Variants in NFKB1 observed in about 807,000 individuals in gnomAD.
NFKB1 encodes nuclear factor kappa B subunit 1, also known as nuclear factor NF-kappa-B p105 subunit.
Under a neutral mutation model 105.1 loss-of-function variants are expected in NFKB1, and 9 were observed. That is an observed-to-expected ratio of 0.09 (90% CI 0.05 to 0.15). NFKB1 has a LOEUF of 0.15. Among genes scored for constraint, NFKB1 ranks in the 10% least tolerant of loss-of-function variants. The pLI is 1.00. For synonymous variants in NFKB1, 440 were observed against 442.2 expected (o/e 1.00, Z 0.06); for missense variants, 830 against 1,203.7 (o/e 0.69, Z 4.59).
chr4:102,505,048 G>A (rs139634555), intron 1 of NFKB1, among the ~76,000 whole-genome samples: 106 of 152,298 alleles, frequency 7.0e-4, no homozygotes, highest in African/African-American at 2.5e-3. Flanking sequence ...TTTTAATGAT[G>A]ATGAAATTGC....
In NFKB1 at chr4:102,515,104, A is replaced by ATT. The variant is rs761237095; in HGVS notation, c.-7-10407_-7-10406dup. ...AGTTCCATGTAATATTATTATTATTATTATTTTTTTTTTTTTTTTTTTTTG... is the reference window on the plus strand; with the variant it reads ...AGTTCCATGTAATATTATTATTATTATTTTATTTTTTTTTTTTTTTTTTTTTG... On this transcript the variant is annotated intron_variant, in intron 1 of 23. Transcript: ENST00000226574. Among the ~76,000 whole-genome samples, 886 of 113,190 alleles carry ATT rather than the reference A, an allele frequency of 7.8e-3. 43 individuals are homozygous for ATT. Among genetic ancestry groups the ATT allele is most frequent in the Middle Eastern group, 0.015 (3 of 204 alleles). 74.3% of individuals were successfully genotyped at this position (113,190 alleles called of 152,430 possible).
At chr4:102,502,390 GCACACACACACACACACACA>G (rs754187388) in intron 1 of NFKB1, among the ~76,000 whole-genome samples, 3 of 105,392 alleles carry the variant, frequency 2.8e-5, no homozygotes, top group African/African-American at 8.3e-5. Context: ...GCGCGCGCGC[GCACACACACACACACACACA>G]CACACACACA....
intron 12 of NFKB1, among the ~76,000 whole-genome samples, 174 bp from the exon 13 acceptor site, chr4:102,594,718 G>A (rs547325301): frequency 6.6e-6 from 1 of 152,262 alleles, no homozygotes; most frequent in African/African-American, 2.4e-5. Context: ...GTGGAATTCT[G>A]ATAGTCCCAT....
chr4:102,561,754 A>G (rs1231168652), intron 5 of NFKB1, among the ~76,000 whole-genome samples: 1 of 152,144 alleles, frequency 6.6e-6, no homozygotes, highest in African/African-American at 2.4e-5. Flanking sequence ...TGTTGTGGGG[A>G]TTATCTGAGT....
intron 16 of NFKB1, among the ~76,000 whole-genome samples, chr4:102,603,954 C>T (rs1469210275): frequency 6.6e-6 from 1 of 152,108 alleles, no homozygotes; most frequent in Non-Finnish European, 1.5e-5. Flanking sequence ...ACCACTCTAT[C>T]GTGTTTGGTA....
At chr4:102,551,365 T>TATGCGC (rs1553931285) in intron 5 of NFKB1, among the ~76,000 whole-genome samples, 3 of 127,542 alleles carry the variant, frequency 2.4e-5, no homozygotes, top group African/African-American at 3.7e-5. Context: ...TGTGTGTGTG[T>TATGCGC]GTGCGCGCGC....
chr4:102,503,286 G>A (rs1403122018), intron 1 of NFKB1: 1 of 151,864 alleles, frequency 6.6e-6, no homozygotes, highest in Non-Finnish European at 1.5e-5. Flanking sequence ...TGGAATCTGA[G>A]ATTATTCATC....
At chr4:102,542,563 A>G (rs1192294432) in intron 5 of NFKB1, among the ~76,000 whole-genome samples, 1 of 152,084 alleles carries the variant, frequency 6.6e-6, no homozygotes, top group Admixed American at 6.6e-5. Flanking sequence ...AACCCCACTT[A>G]TCCATCACTT....
At chr4:102,548,750 T>C (rs1440096611) in intron 5 of NFKB1, among the ~76,000 whole-genome samples, 1 of 152,146 alleles carries the variant, frequency 6.6e-6, no homozygotes, top group African/African-American at 2.4e-5. Context: ...AGTTTGTGAC[T>C]TGCAGCTGCA....
intron 19 of NFKB1, among the ~76,000 whole-genome samples, chr4:102,609,478 G>A (rs1728183445): frequency 6.6e-6 from 1 of 151,896 alleles, no homozygotes; most frequent in South Asian, 2.1e-4. Flanking sequence ...TGGGCGTGGT[G>A]GCATGCATCT....
At chr4:102,515,580 T>C (rs79590323) in intron 1 of NFKB1, among the ~76,000 whole-genome samples, 6,848 of 152,306 alleles carry the variant, frequency 0.045, 232 homozygotes, top group South Asian at 0.099. Context: ...GGTTACTTTC[T>C]AAAGTGGTTA....
intron 11 of NFKB1, among the ~76,000 whole-genome samples, chr4:102,591,172 TGAA>T (rs960016883): frequency 3.9e-5 from 6 of 152,182 alleles, no homozygotes; most frequent in African/African-American, 1.4e-4. Context: ...AGAAAATTGA[TGAA>T]GGTGGCCACA....
rs766618960 is a variant in NFKB1, at chr4:102,610,747, G to C, written c.2352+48G>C. On this transcript the variant is annotated intron_variant, in intron 20 of 23. Transcript: ENST00000226574. ...GATGGCTGCCCCTGAGGGAGTCAGA[G>C]GTTCAGGAATGTAAGAACAGATGGT... The C allele has an allele frequency of 1.1e-5, 18 of 1,602,456 alleles. No homozygotes were observed. In the South Asian group the frequency reaches 1.8e-4, roughly 16 times the overall value.
intron 5 of NFKB1, among the ~76,000 whole-genome samples, chr4:102,549,712 T>A (rs1045102991): frequency 1.3e-5 from 2 of 152,132 alleles, no homozygotes; most frequent in Non-Finnish European, 2.9e-5. Context: ...CAATCTGCTC[T>A]GCCTCATAGC....
At chr4:102,600,562 T>C (rs1727056379) in intron 15 of NFKB1, among the ~76,000 whole-genome samples, 1 of 152,152 alleles carries the variant, frequency 6.6e-6, no homozygotes, top group Non-Finnish European at 1.5e-5. Flanking sequence ...AAAGCCATGG[T>C]ATAGAGGCAG....
intron 4 of NFKB1, among the ~76,000 whole-genome samples, chr4:102,534,387 A>C (rs1425724580): frequency 6.6e-6 from 1 of 152,150 alleles, no homozygotes; most frequent in Non-Finnish European, 1.5e-5. Flanking sequence ...TGGGAAGTAA[A>C]ATGTTAGAAT....
chr4:102,540,294 T>C (rs941538388), intron 5 of NFKB1, among the ~76,000 whole-genome samples: 2 of 152,196 alleles, frequency 1.3e-5, no homozygotes, highest in Non-Finnish European at 2.9e-5. Context: ...GAAAAAACTT[T>C]ATACATCCAT....
In NFKB1 at chr4:102,581,124, A is replaced by G. The variant is rs139696408; in HGVS notation, c.835+485A>G. 7.8e-3 allele frequency among the ~76,000 whole-genome samples: 1,194 copies of G among 152,368 alleles called. 20 individuals carry two copies. Among genetic ancestry groups the G allele is most frequent in the African/African-American group, 0.028 (1,152 of 41,588 alleles). ...GAAAAGGAAAGAAAACAGGGAATACAGGGAAATTCTCAGAGCACATTTCTC... is the reference window on the plus strand; with the variant it reads ...GAAAAGGAAAGAAAACAGGGAATACGGGGAAATTCTCAGAGCACATTTCTC... On this transcript the variant is annotated intron_variant, in intron 9 of 23. Coordinates refer to ENST00000226574, the MANE Select transcript of NFKB1 (RefSeq NM_003998.4).
chr4:102,524,856 G>A (rs4647981), intron 1 of NFKB1, among the ~76,000 whole-genome samples: 8,793 of 152,200 alleles, frequency 0.058, 282 homozygotes, highest in African/African-American at 0.092. Flanking sequence ...GACAGGACAC[G>A]GAGCTCAGGC....
Sources: allele counts gnomAD v4.1 joint callset (sites outside exome capture counted in the v4.1 genomes callset), GRCh38; gene constraint gnomAD v4.1.1; transcripts MANE v1.5; gene names NCBI Gene and HGNC (gene_info 2026-07-23, HGNC 2026-07-21).